The following MARCHF10 variants were observed in gnomAD, a reference collection of about 807,000 sequenced individuals.
MARCHF10 encodes probable E3 ubiquitin-protein ligase MARCHF10.
In MARCHF10, 64 loss-of-function variants were observed where a neutral mutation model predicts 76.2. That is an observed-to-expected ratio of 0.84 (90% CI 0.69 to 1.03). The LOEUF is 1.03. Ranked by LOEUF, MARCHF10 falls within the 50% of genes least tolerant of loss-of-function variation. The pLI, the probability that MARCHF10 is intolerant of heterozygous loss-of-function variation, is 0.00. For missense variants in MARCHF10, 875 were observed against 958.0 expected (o/e 0.91, Z 1.14); for synonymous variants, 340 against 357.5 (o/e 0.95, Z 0.55).
At chr17:62,750,743 TTCCAGCCAACAGTC>T (rs2091872074) in intron 4 of MARCHF10, among the ~76,000 whole-genome samples, 4 of 152,204 alleles carry the variant, frequency 2.6e-5, no homozygotes, top group Non-Finnish European at 5.9e-5. Flanking sequence ...TCACACCCTG[TTCCAGCCAACAGTC>T]TCCAGCGTCC....
chr17:62,702,439 C>T (rs193018443), intron 10 of MARCHF10, among the ~76,000 whole-genome samples: 6 of 148,260 alleles, frequency 4.0e-5, no homozygotes, highest in East Asian at 2.0e-4. Context: ...CGGGGGGCGG[C>T]GAATCACTTG....
At chr17:62,801,818 T>A in intron 1 of MARCHF10, 66 bp from the exon 2 acceptor site, 1 of 1,124,684 alleles carries the variant, frequency 8.9e-7, no homozygotes, top group Non-Finnish European at 1.4e-6. Flanking sequence ...TATTTGGATT[T>A]ATTTTCATCT....
intron 6 of MARCHF10, among the ~76,000 whole-genome samples, chr17:62,732,192 C>T (rs966995031): frequency 3.3e-5 from 5 of 152,122 alleles, no homozygotes; most frequent in Non-Finnish European, 4.4e-5. Flanking sequence ...GTCAATATCG[C>T]AAATATGTCA....
Position 62,723,559 on chromosome 17 carries a change from C to CTTTTTTTTTTTTTTTTTTTTTTT in MARCHF10, c.2105-963_2105-962insAAAAAAAAAAAAAAAAAAAAAAA, listed in dbSNP as rs60456766. On this transcript the variant is annotated intron_variant, in intron 7 of 10. Coordinates refer to ENST00000311269, the MANE Select transcript of MARCHF10 (RefSeq NM_152598.4). ...CCTTATCTGCATTTTGTTCGCTTGACTTTTTTTTTTTTTTTTTTTAGCGTC... is the reference window on the plus strand; with the variant it reads ...CCTTATCTGCATTTTGTTCGCTTGACTTTTTTTTTTTTTTTTTTTTTTTTTTTTTTTTTTTTTTTTTTAGCGTC... Among the ~76,000 whole-genome samples the CTTTTTTTTTTTTTTTTTTTTTTT allele has an allele frequency of 5.4e-4, 43 of 80,354 alleles. 4 individuals are homozygous for CTTTTTTTTTTTTTTTTTTTTTTT. The highest frequency in any genetic ancestry group is 9.2e-4 in the African/African-American group (17 of 18,380). 52.7% of individuals were successfully genotyped at this position (80,354 alleles called of 152,430 possible).
intron 4 of MARCHF10, chr17:62,747,022 T>C (rs1241252585): frequency 7.2e-7 from 1 of 1,396,458 alleles, no homozygotes; most frequent in Non-Finnish European, 9.8e-7. Context: ...AAAAATGGCC[T>C]TTAGTGTTTA....
At chr17:62,706,523 G>A (rs1484893959) in intron 9 of MARCHF10, 2 of 152,218 alleles carry the variant, frequency 1.3e-5, no homozygotes, top group African/African-American at 4.8e-5. Context: ...CCATATTTTG[G>A]GTTGATCTGG....
intron 10 of MARCHF10, among the ~76,000 whole-genome samples, chr17:62,704,046 G>A (rs2089417605): frequency 6.6e-6 from 1 of 151,002 alleles, no homozygotes; most frequent in Non-Finnish European, 1.5e-5. Flanking sequence ...GGGCTGGGGA[G>A]GGGGCGCCTG....
chr17:62,774,171 C>T (rs1029115311), intron 3 of MARCHF10, among the ~76,000 whole-genome samples: 21 of 152,150 alleles, frequency 1.4e-4, no homozygotes, highest in African/African-American at 4.8e-4. Flanking sequence ...GATGATCCAG[C>T]GATTTTGGAG....
At chr17:62,770,043 C>G (rs1373646954) in intron 3 of MARCHF10, among the ~76,000 whole-genome samples, 1 of 152,162 alleles carries the variant, frequency 6.6e-6, no homozygotes. Flanking sequence ...TAGTAGTCCA[C>G]AGTATCTGTT....
chr17:62,701,911 G>C lies in MARCHF10; in HGVS notation c.2372-153C>G, dbSNP rs78299543. 7.9e-3 allele frequency among the ~76,000 whole-genome samples: 1,209 copies of C among 152,344 alleles called. 17 individuals are homozygous for C. The highest frequency in any genetic ancestry group is 0.028 in the African/African-American group (1,165 of 41,572). On this transcript the variant is annotated intron_variant, in intron 10 of 10. Coordinates refer to ENST00000311269, the MANE Select transcript of MARCHF10 (RefSeq NM_152598.4). ...AGTGCCTGGAACCGTGTGGGGAACA[G>C]AGACCTGCAGTCTGGGGCCGGGGAA... is the stretch of plus-strand genomic sequence containing the variant.
At chr17:62,792,936 CCAT>C (rs1165039155) in intron 2 of MARCHF10, among the ~76,000 whole-genome samples, 7 of 146,686 alleles carry the variant, frequency 4.8e-5, no homozygotes, top group African/African-American at 1.0e-4. Flanking sequence ...ACCACCACCA[CCAT>C]CATCTCCCTC....
At chr17:62,787,794 T>C (rs1027989645) in intron 3 of MARCHF10, among the ~76,000 whole-genome samples, 1 of 152,156 alleles carries the variant, frequency 6.6e-6, no homozygotes, top group Admixed American at 6.5e-5. Context: ...GTGATAGATA[T>C]ATACATTTAT....
intron 6 of MARCHF10, among the ~76,000 whole-genome samples, chr17:62,734,132 C>T (rs940582857): frequency 3.3e-5 from 5 of 151,886 alleles, no homozygotes; most frequent in Admixed American, 6.6e-5. Context: ...TGCAGTGAGT[C>T]GCGATCATGC....
intron 3 of MARCHF10, among the ~76,000 whole-genome samples, chr17:62,783,053 G>A (rs1193478131): frequency 6.6e-6 from 1 of 152,062 alleles, no homozygotes; most frequent in Non-Finnish European, 1.5e-5. Flanking sequence ...TGCAATCAGG[G>A]CTCAAACACT....
chr17:62,754,339 C>T (rs2091980448), intron 4 of MARCHF10, among the ~76,000 whole-genome samples: 1 of 152,216 alleles, frequency 6.6e-6, no homozygotes, highest in Non-Finnish European at 1.5e-5. Context: ...TCCCAGAGTG[C>T]TCGGATTACA....
chr17:62,777,605 G>T (rs1039063725), intron 3 of MARCHF10, among the ~76,000 whole-genome samples: 6 of 148,020 alleles, frequency 4.1e-5, no homozygotes, highest in Non-Finnish European at 4.4e-5. Context: ...TGTAATCCCA[G>T]ATACTAGGGA....
chr17:62,746,911 A>G, intron 4 of MARCHF10: 1 of 1,536,080 alleles, frequency 6.5e-7, no homozygotes, highest in Non-Finnish European at 8.7e-7. Flanking sequence ...TCTTCCCCAG[A>G]CTGCACCAGC....
Position 62,740,975 on chromosome 17 carries a change from G to A in MARCHF10, c.535+3401C>T, listed in dbSNP as rs80152689. ...AATTTATTACCTTTAGGTGGAACAT[G>A]TATATTGTAGCTTACCACAGGCTCC... On this transcript the variant is annotated intron_variant, in intron 5 of 10. Coordinates refer to ENST00000311269, the MANE Select transcript of MARCHF10 (RefSeq NM_152598.4). Among the ~76,000 whole-genome samples, 992 of 152,250 alleles carry A rather than the reference G, an allele frequency of 6.5e-3. 21 individuals carry two copies. The highest frequency in any genetic ancestry group is 0.028 in the East Asian group (144 of 5,174).
intron 5 of MARCHF10, among the ~76,000 whole-genome samples, chr17:62,739,569 CAG>C (rs1336532545): frequency 2.0e-5 from 3 of 151,978 alleles, no homozygotes; most frequent in Non-Finnish European, 4.4e-5. Context: ...TTAGTAGAGA[CAG>C]GGTTTCTCCA....
Sources: allele counts gnomAD v4.1 joint callset (sites outside exome capture counted in the v4.1 genomes callset), GRCh38; gene constraint gnomAD v4.1.1; transcripts MANE v1.5; gene names NCBI Gene and HGNC (gene_info 2026-07-23, HGNC 2026-07-21).